The following DLG2 variants were observed in gnomAD, a reference collection of about 807,000 sequenced individuals.
DLG2 encodes disks large homolog 2.
In DLG2, 45 loss-of-function variants were observed where a neutral mutation model predicts 132.5. The observed-to-expected ratio is 0.34, with a 90% confidence interval of 0.27 to 0.44. DLG2 has a LOEUF of 0.44. Ranked by LOEUF, DLG2 falls within the 20% of genes least tolerant of loss-of-function variation. The pLI is 1.00. For missense variants in DLG2, 1,045 were observed against 1,196.9 expected (o/e 0.87, Z 1.87); for synonymous variants, 424 against 419.6 (o/e 1.01, Z -0.13).
At chr11:85,157,569 G>C (rs2077678419) in intron 4 of DLG2, among the ~76,000 whole-genome samples, 1 of 152,140 alleles carries the variant, frequency 6.6e-6, no homozygotes, top group Admixed American at 6.5e-5. Flanking sequence ...GAAGCTGGTT[G>C]GTTGCTCCTG....
intron 6 of DLG2, among the ~76,000 whole-genome samples, chr11:85,029,600 G>T (rs1202316166): frequency 6.6e-6 from 1 of 152,238 alleles, no homozygotes; most frequent in Non-Finnish European, 1.5e-5. Context: ...GTGGGGAACA[G>T]TGCAGGTGAC....
intron 15 of DLG2, among the ~76,000 whole-genome samples, chr11:83,920,295 T>A (rs1293445597): frequency 2.6e-5 from 4 of 152,206 alleles, no homozygotes. Context: ...AAACCTCATA[T>A]GAGCTGAAGG....
intron 2 of DLG2, among the ~76,000 whole-genome samples, chr11:85,619,272 G>A (rs753886617): frequency 2.6e-5 from 4 of 152,020 alleles, no homozygotes; most frequent in Non-Finnish European, 4.4e-5. Context: ...CAAACTCCTG[G>A]GCTCAGGCAA....
intron 3 of DLG2, among the ~76,000 whole-genome samples, chr11:85,443,787 C>T (rs906322186): frequency 6.6e-6 from 1 of 152,188 alleles, no homozygotes. Flanking sequence ...TGCCTTACTA[C>T]ATTTGGAAGG....
intron 6 of DLG2, among the ~76,000 whole-genome samples, chr11:84,831,650 C>A (rs2079068983): frequency 6.6e-6 from 1 of 151,466 alleles, no homozygotes. Flanking sequence ...GTTTACTGTT[C>A]TACTAATTCA....
At chr11:84,157,307 T>C (rs547490871) in intron 9 of DLG2, among the ~76,000 whole-genome samples, 2 of 152,338 alleles carry the variant, frequency 1.3e-5, no homozygotes, top group East Asian at 3.9e-4. Context: ...TGTGTATTTA[T>C]ACATAAATGA....
intron 6 of DLG2, among the ~76,000 whole-genome samples, chr11:85,039,085 G>C (rs1467729098): frequency 6.6e-6 from 1 of 151,700 alleles, no homozygotes; most frequent in African/African-American, 2.4e-5. Flanking sequence ...AAATTACATA[G>C]TCATTTTAGA....
At chr11:84,605,822 G>T (rs939888903) in intron 6 of DLG2, among the ~76,000 whole-genome samples, 1 of 151,888 alleles carries the variant, frequency 6.6e-6, no homozygotes, top group Non-Finnish European at 1.5e-5. Context: ...AAATAGGTTT[G>T]CTCACTGATC....
At chr11:84,986,203 G>A (rs988739988) in intron 6 of DLG2, among the ~76,000 whole-genome samples, 4 of 152,016 alleles carry the variant, frequency 2.6e-5, no homozygotes, top group East Asian at 1.9e-4. Flanking sequence ...AGAAAACCTA[G>A]AGATGGATAA....
chr11:85,203,994 G>T (rs754167727), intron 4 of DLG2, among the ~76,000 whole-genome samples: 2 of 152,056 alleles, frequency 1.3e-5, no homozygotes, highest in Non-Finnish European at 2.9e-5. Context: ...ATCTCTTTAT[G>T]ATAAGAACTT....
intron 6 of DLG2, among the ~76,000 whole-genome samples, chr11:84,604,039 A>G (rs2099581230): frequency 6.6e-6 from 1 of 152,040 alleles, no homozygotes. Context: ...CCTAATATGT[A>G]ATAAGCTGCT....
At chr11:84,916,096 A>T (rs11821930) in intron 6 of DLG2, among the ~76,000 whole-genome samples, 1,922 of 152,240 alleles carry the variant, frequency 0.013, 33 homozygotes, top group African/African-American at 0.043. Flanking sequence ...CTGTAATCCC[A>T]GCACTTTGGG....
intron 6 of DLG2, among the ~76,000 whole-genome samples, chr11:84,874,539 T>C (rs569868832): frequency 1.3e-5 from 2 of 152,288 alleles, no homozygotes; most frequent in East Asian, 3.9e-4. Flanking sequence ...TGAAATGCTG[T>C]CAACAACTTT....
chr11:85,616,630 G>C (rs1415447315), intron 2 of DLG2, among the ~76,000 whole-genome samples: 1 of 152,170 alleles, frequency 6.6e-6, no homozygotes, highest in African/African-American at 2.4e-5. Context: ...GAGTTTGTCA[G>C]AGATGAAAAA....
At chr11:83,620,934 A>G (rs2153432324) in intron 19 of DLG2, among the ~76,000 whole-genome samples, 1 of 151,642 alleles carries the variant, frequency 6.6e-6, no homozygotes, top group Non-Finnish European at 1.5e-5. Context: ...GATCCAAAAT[A>G]CTCAAGATTA....
chr11:84,078,130 T>C (rs1050180307), intron 10 of DLG2, among the ~76,000 whole-genome samples: 1 of 152,126 alleles, frequency 6.6e-6, no homozygotes, highest in African/African-American at 2.4e-5. Flanking sequence ...TTGAGTAGTG[T>C]TTTTCAAAAT....
intron 7 of DLG2, among the ~76,000 whole-genome samples, chr11:84,275,798 G>T (rs2097778341): frequency 6.6e-6 from 1 of 152,174 alleles, no homozygotes; most frequent in African/African-American, 2.4e-5. Flanking sequence ...CATAAAAGAG[G>T]TAGCATAAAC....
chr11:85,046,947 ATTTG>A (rs1179848809), intron 6 of DLG2, among the ~76,000 whole-genome samples: 1 of 151,632 alleles, frequency 6.6e-6, no homozygotes, highest in African/African-American at 2.4e-5. Context: ...TGTTCTTTTT[ATTTG>A]TTTGTTTGTT....
At chr11:85,005,294 T>A (rs1023438590) in intron 6 of DLG2, among the ~76,000 whole-genome samples, 1 of 152,206 alleles carries the variant, frequency 6.6e-6, no homozygotes, top group South Asian at 2.1e-4. Flanking sequence ...GGGGATAGCA[T>A]CAAATCTATA....
Sources: gnomAD v4.1 joint callset for allele counts (sites outside exome capture counted in the v4.1 genomes callset) on GRCh38, gnomAD v4.1.1 for gene constraint, MANE v1.5 for transcripts, NCBI Gene and HGNC (gene_info 2026-07-23, HGNC 2026-07-21) for gene names.